The following GRID1 variants were observed in gnomAD, a reference collection of about 807,000 sequenced individuals.
GRID1 encodes the protein glutamate ionotropic receptor delta type subunit 1.
In GRID1, 28 loss-of-function variants were observed where a neutral mutation model predicts 98.0. The observed-to-expected ratio is 0.29, with a 90% CI of 0.21 to 0.39. The LOEUF (loss-of-function observed/expected upper bound fraction) is 0.39, where lower values mean the gene tolerates loss of function less well. Among genes scored for constraint, GRID1 ranks in the 10% least tolerant of loss-of-function variants. The probability of loss-of-function intolerance (pLI) is 1.00; values close to 1 mark genes in which losing one functional copy is unlikely to be tolerated. For synonymous variants in GRID1, 553 were observed against 538.5 expected, an observed-to-expected ratio of 1.03 and a Z score of -0.37; for missense variants, 1,111 against 1,340.5, an observed-to-expected ratio of 0.83 and a Z score of 2.67.
chr10:86,110,963 G>T (rs1437487409), intron 4 of GRID1, among the ~76,000 whole-genome samples: 2 of 152,168 alleles, frequency 1.3e-5, no homozygotes, highest in Non-Finnish European at 1.5e-5. Context: ...GTTAGTAATT[G>T]CCAAAATAAT....
At chr10:86,305,106 A>AG (rs1181006832) in intron 2 of GRID1, among the ~76,000 whole-genome samples, 80 of 147,036 alleles carry the variant, frequency 5.4e-4, no homozygotes, top group African/African-American at 2.0e-3. Flanking sequence ...GAAGGGCTTA[A>AG]GGAAAAAAAA....
intron 3 of GRID1, among the ~76,000 whole-genome samples, chr10:86,185,762 A>G (rs930487832): frequency 1.3e-5 from 2 of 152,132 alleles, no homozygotes; most frequent in African/African-American, 4.8e-5. Flanking sequence ...ACGTCACTTG[A>G]TTTTTGAATG....
rs557152173 is a variant in GRID1, at chr10:86,012,227, G to A, written c.727-95988C>T. On this transcript the variant is annotated intron_variant, in intron 4 of 15. Transcript: ENST00000327946. ...CAAGTGTTGATAAATACAAAGATGAGGGGAGTGCTAGCATTTTGGAAAAAC... is the reference window on the plus strand; with the variant it reads ...CAAGTGTTGATAAATACAAAGATGAAGGGAGTGCTAGCATTTTGGAAAAAC... Among the ~76,000 whole-genome samples the A allele has an allele frequency of 2.2e-4, 33 of 152,284 alleles. No individual in the cohort carries two copies. In the South Asian group the frequency reaches 5.8e-3, roughly 27 times the overall value.
chr10:86,130,200 A>ACAGTTTGTTACACTG (rs1554854675), intron 4 of GRID1, among the ~76,000 whole-genome samples: 6 of 152,026 alleles, frequency 3.9e-5, no homozygotes, highest in Admixed American at 6.5e-5. Context: ...GAGTTTTAGG[A>ACAGTTTGTTACACTG]CACACAGCTA....
chr10:85,799,938 T>C (rs887928871), intron 8 of GRID1, among the ~76,000 whole-genome samples: 1 of 152,114 alleles, frequency 6.6e-6, no homozygotes, highest in East Asian at 1.9e-4. Context: ...ATTTGATTAT[T>C]ATACAATGTA....
intron 2 of GRID1, among the ~76,000 whole-genome samples, chr10:86,252,538 T>C (rs1419871586): frequency 6.6e-6 from 1 of 152,226 alleles, no homozygotes; most frequent in Non-Finnish European, 1.5e-5. Flanking sequence ...TTTGACACCA[T>C]CTCTACTTTG....
intron 2 of GRID1, among the ~76,000 whole-genome samples, chr10:86,297,780 T>C (rs941634794): frequency 2.6e-5 from 4 of 152,308 alleles, no homozygotes; most frequent in African/African-American, 9.6e-5. Context: ...GGCCAGCAGA[T>C]GAATGGGCTG....
intron 4 of GRID1, among the ~76,000 whole-genome samples, chr10:86,068,461 C>A (rs1415289139): frequency 6.6e-6 from 1 of 152,228 alleles, no homozygotes; most frequent in Non-Finnish European, 1.5e-5. Flanking sequence ...AGAACCTTCA[C>A]ATATTGCTTG....
chr10:86,196,070 C>T (rs1207578534), intron 3 of GRID1, among the ~76,000 whole-genome samples: 2 of 152,078 alleles, frequency 1.3e-5, no homozygotes, highest in Admixed American at 6.6e-5. Flanking sequence ...TCTGAGACCG[C>T]TAGCACAGCT....
intron 5 of GRID1, among the ~76,000 whole-genome samples, chr10:85,877,323 C>T (rs569516038): frequency 6.6e-6 from 1 of 152,340 alleles, no homozygotes; most frequent in South Asian, 2.1e-4. Context: ...GGTCCCTGAC[C>T]CCCGAGCAGC....
intron 4 of GRID1, among the ~76,000 whole-genome samples, chr10:86,127,754 CAG>C (rs1844774839): frequency 6.6e-6 from 1 of 152,176 alleles, no homozygotes; most frequent in African/African-American, 2.4e-5. Context: ...CTTCCTGACA[CAG>C]AGTGAGTAGG....
chr10:85,792,538 G>T (rs1208339002), intron 8 of GRID1, among the ~76,000 whole-genome samples: 2 of 152,202 alleles, frequency 1.3e-5, no homozygotes, highest in Non-Finnish European at 2.9e-5. Context: ...TGACTCTGGA[G>T]GAATCCAGCT....
intron 4 of GRID1, among the ~76,000 whole-genome samples, chr10:85,939,871 G>C (rs1460946357): frequency 6.6e-6 from 1 of 151,990 alleles, no homozygotes; most frequent in Non-Finnish European, 1.5e-5. Context: ...TTCGAGACCA[G>C]CCTGGCCAAC....
intron 3 of GRID1, among the ~76,000 whole-genome samples, chr10:86,176,551 AAGACGAGG>A (rs1327145238): frequency 1.3e-5 from 2 of 152,206 alleles, no homozygotes; most frequent in African/African-American, 4.8e-5. Flanking sequence ...AATGAGTGAG[AAGACGAGG>A]AGATGATCGT....
chr10:86,073,356 C>T (rs1189067131), intron 4 of GRID1, among the ~76,000 whole-genome samples: 2 of 152,206 alleles, frequency 1.3e-5, no homozygotes, highest in African/African-American at 4.8e-5. Context: ...CCCTGTTACA[C>T]ACTGGGGTAG....
chr10:86,196,127 C>T (rs944432859), intron 3 of GRID1, among the ~76,000 whole-genome samples: 2 of 152,044 alleles, frequency 1.3e-5, no homozygotes. Flanking sequence ...TGCTGACCCT[C>T]CATCCCTCCT....
At chr10:85,723,357 T>C (rs1488898907) in intron 11 of GRID1, among the ~76,000 whole-genome samples, 2 of 152,126 alleles carry the variant, frequency 1.3e-5, no homozygotes, top group African/African-American at 2.4e-5. Flanking sequence ...CCACAAAATA[T>C]GAAAAAGTTA....
intron 4 of GRID1, among the ~76,000 whole-genome samples, chr10:86,036,643 C>T (rs912580085): frequency 3.3e-5 from 5 of 152,206 alleles, no homozygotes; most frequent in African/African-American, 1.2e-4. Context: ...TCAGTGCCAC[C>T]TTGTGAGACC....
intron 8 of GRID1, among the ~76,000 whole-genome samples, chr10:85,766,903 C>G (rs921285302): frequency 1.3e-5 from 2 of 151,916 alleles, no homozygotes; most frequent in Non-Finnish European, 2.9e-5. Context: ...AAAGTAAAAC[C>G]TTTGAAACTG....
Sources: gnomAD v4.1 joint callset for allele counts (sites outside exome capture counted in the v4.1 genomes callset) on GRCh38, gnomAD v4.1.1 for gene constraint, MANE v1.5 for transcripts, NCBI Gene and HGNC (gene_info 2026-07-23, HGNC 2026-07-21) for gene names.